The following DPH5 variants were observed in gnomAD, a reference collection of about 807,000 sequenced individuals.
DPH5 encodes diphthamide biosynthesis 5.
In DPH5, 31 loss-of-function variants were observed where a neutral mutation model predicts 31.6. That is an observed-to-expected ratio of 0.98 (90% CI 0.74 to 1.32). The LOEUF (loss-of-function observed/expected upper bound fraction) is 1.32. Among genes scored for constraint, DPH5 ranks in the 40% most tolerant of loss-of-function variants. The pLI is 0.00. For synonymous variants in DPH5, 120 were observed against 115.0 expected (o/e 1.04, Z -0.28); for missense variants, 309 against 335.7 (o/e 0.92, Z 0.62).
In DPH5 at chr1:101,001,573, T is replaced by C; in HGVS notation, c.384A>G (p.Gly128=). ...GCCGLQLYKF[G]ETVSIVFWTD... is the part of the protein sequence containing the mutation. ...TCCAAAAAACAATAGAAACTGTCTC[T>C]CCAAACTTATATAACTAGAAAAAAA... Residue 128 remains glycine (G), a synonymous_variant, in exon 5 of 8, where the codon GGA becomes GGG. Coordinates refer to ENST00000370109, the MANE Select transcript of DPH5 (RefSeq NM_015958.3). 6.3e-7 allele frequency: 1 copy of C among 1,587,056 alleles called. No individual in the cohort carries two copies. Among genetic ancestry groups the C allele is most frequent in the East Asian group, 2.2e-5 (1 of 44,654 alleles).
intron 3 of DPH5, among the ~76,000 whole-genome samples, chr1:101,016,151 G>A (rs763106209): frequency 2.0e-5 from 3 of 152,084 alleles, no homozygotes; most frequent in Non-Finnish European, 2.9e-5. Context: ...TCAGGAGATC[G>A]GGACCATCCT....
In DPH5 at chr1:101,021,659, A is replaced by G. The variant is rs1026815472; in HGVS notation, c.242T>C (p.Val81Ala). ...GACTTACCCAAATGGATCACCAACCACAAGGAATGCAACATCACTGATATC... is the reference window on the plus strand; with the variant it reads ...GACTTACCCAAATGGATCACCAACCGCAAGGAATGCAACATCACTGATATC... ...DADISDVAFLVVGDPFGATTH... is the reference protein window; with the variant it reads ...DADISDVAFLAVGDPFGATTH... The change falls in exon 3 of 8, where the codon GTG (valine) becomes GCG (alanine). Residue 81 changes from valine (V) to alanine (A), a missense_variant. By Grantham distance (64) the Val-to-Ala change is moderately conservative. Coordinates refer to ENST00000370109, the MANE Select transcript of DPH5 (RefSeq NM_015958.3). The G allele has an allele frequency of 1.5e-5, 24 of 1,613,362 alleles. No individual in the cohort carries two copies. Among genetic ancestry groups the G allele is most frequent in the Non-Finnish European group, 1.9e-5 (22 of 1,179,596 alleles).
chr1:101,020,032 G>A (rs1024045821), intron 3 of DPH5, among the ~76,000 whole-genome samples: 1 of 152,192 alleles, frequency 6.6e-6, no homozygotes, highest in African/African-American at 2.4e-5. Context: ...TAGCATAGCG[G>A]TTAAAGAGTA....
intron 6 of DPH5, among the ~76,000 whole-genome samples, chr1:100,994,696 T>C (rs541495547): frequency 3.1e-4 from 47 of 152,162 alleles, no homozygotes; most frequent in African/African-American, 1.1e-3. Flanking sequence ...CCAGCTAATT[T>C]TTCCATTTTT....
At chr1:101,007,041 A>G (rs1269483828) in intron 4 of DPH5, among the ~76,000 whole-genome samples, 1 of 152,226 alleles carries the variant, frequency 6.6e-6, no homozygotes, top group East Asian at 1.9e-4. Context: ...CTACAAGAGA[A>G]CTAATATATT....
intron 4 of DPH5, among the ~76,000 whole-genome samples, chr1:101,005,932 A>C (rs566557803): frequency 2.4e-4 from 36 of 151,590 alleles, no homozygotes; most frequent in African/African-American, 8.0e-4. Flanking sequence ...TGAGGGGGGG[A>C]GCAGTTACCT....
intron 4 of DPH5, among the ~76,000 whole-genome samples, chr1:101,003,383 T>C (rs1282171904): frequency 6.6e-6 from 1 of 152,208 alleles, no homozygotes; most frequent in Non-Finnish European, 1.5e-5. Context: ...GGTATTATGC[T>C]AGTCACAGGT....
Position 101,021,774 on chromosome 1 carries a change from A to G in DPH5, c.136-9T>C, listed in dbSNP as rs140560138. Reference sequence around the variant, plus strand: ...CTTCCATAAAACTCTTCCTACAGATATAAGTCCAATATCAAGATAAAGAGA... The same window carrying G: ...CTTCCATAAAACTCTTCCTACAGATGTAAGTCCAATATCAAGATAAAGAGA... On this transcript the variant is annotated splice_polypyrimidine_tract_variant and intron_variant, in intron 2 of 7. Transcript: ENST00000370109. 2.7e-4 allele frequency: 436 copies of G among 1,609,646 alleles called. 1 individual carries two copies. In the African/African-American group the frequency reaches 5.0e-3, roughly 18 times the overall value.
Position 100,990,465 on chromosome 1 carries a change from T to C in DPH5, c.801A>G (p.Leu267=), listed in dbSNP as rs1271700439. ...GSIHPMEMEM[L]SLFSIPENSS... ...TATTTTCTGGTATGGAAAACAGACTTAGCATCTCCATCTCCATTGGATGTA... is the reference window on the plus strand; with the variant it reads ...TATTTTCTGGTATGGAAAACAGACTCAGCATCTCCATCTCCATTGGATGTA... Residue 267 remains leucine (L), a synonymous_variant, in exon 8 of 8, where the codon CTA becomes CTG. Transcript: ENST00000370109. The C allele has an allele frequency of 6.2e-7, 1 of 1,614,152 alleles. No individual in the cohort carries two copies. The highest frequency in any genetic ancestry group is 1.7e-5 in the Admixed American group (1 of 60,006).
chr1:101,010,114 A>T (rs1026668792), intron 4 of DPH5, among the ~76,000 whole-genome samples: 1 of 152,234 alleles, frequency 6.6e-6, no homozygotes, highest in Non-Finnish European at 1.5e-5. Context: ...ACTAAAATAG[A>T]ATCTCTTTGA....
intron 3 of DPH5, among the ~76,000 whole-genome samples, chr1:101,019,439 A>G (rs1285383028): frequency 6.6e-6 from 1 of 152,124 alleles, no homozygotes; most frequent in African/African-American, 2.4e-5. Context: ...AAAATGACAC[A>G]TTTTGTCATG....
At chr1:101,017,366 T>C (rs1660155034) in intron 3 of DPH5, among the ~76,000 whole-genome samples, 1 of 149,582 alleles carries the variant, frequency 6.7e-6, no homozygotes, top group Non-Finnish European at 1.5e-5. Context: ...TTTATTTGGT[T>C]ACTGTGTGTA....
chr1:100,992,677 C>T lies in DPH5; in HGVS notation c.594G>A (p.Leu198=), dbSNP rs762407616. The change falls in exon 7 of 8, where the codon CTG becomes CTA. Residue 198 remains leucine (L), a synonymous_variant. Coordinates refer to ENST00000370109, the MANE Select transcript of DPH5 (RefSeq NM_015958.3). ...GTATTCTTTGATTTTGAACAATCTC[C>T]AGAAGCTGCTGGGCTGCTTGGTTTA... ...MSVNQAAQQL[L]EIVQNQRIRG... is the part of the protein sequence containing the mutation. 6 of 1,613,780 alleles carry T rather than the reference C, an allele frequency of 3.7e-6. No individual in the cohort carries two copies. The highest frequency in any genetic ancestry group is 3.3e-5 in the Admixed American group (2 of 59,988).
At position 101,021,817 on chromosome 1, in the gene DPH5, AACACACACACACACAC is replaced by A. The variant is rs67726104; in HGVS notation, c.136-68_136-53del. ...TAAAGAGACAGCAGGTGACCATTCT[AACACACACACACACAC>A]ACACACACACACACACACACACACA... On this transcript the variant is annotated intron_variant, in intron 2 of 7. Transcript: ENST00000370109. 2.8e-3 allele frequency: 2,064 copies of A among 739,100 alleles called. 18 individuals are homozygous for A. The highest frequency in any genetic ancestry group is 0.027 in the African/African-American group (1,460 of 53,886). 45.8% of individuals were successfully genotyped at this position (739,100 alleles called of 1,614,324 possible).
At chr1:101,010,357 CTGTG>C in intron 4 of DPH5, among the ~76,000 whole-genome samples, 1 of 152,130 alleles carries the variant, frequency 6.6e-6, no homozygotes, top group Non-Finnish European at 1.5e-5. Context: ...TATCAACTGG[CTGTG>C]TGTGTGAATG....
chr1:101,024,937 G>GA (rs1660721148), intron 2 of DPH5: 1 of 175,276 alleles, frequency 5.7e-6, no homozygotes, highest in South Asian at 1.4e-4. Context: ...CTTGGTTTTT[G>GA]AATATATATA....
rs75033721 is a variant in DPH5, at chr1:101,005,926, G to T, written c.370-4339C>A. Among the ~76,000 whole-genome samples the T allele has an allele frequency of 5.6e-3, 846 of 152,162 alleles. 3 individuals carry two copies. The highest frequency in any genetic ancestry group is 0.02 in the African/African-American group (816 of 41,514). ...GGGACCCGGTAGTGGGGGAGGTGAGGGGGGGAGCAGTTACCTCCATGCTGT... is the reference window on the plus strand; with the variant it reads ...GGGACCCGGTAGTGGGGGAGGTGAGTGGGGGAGCAGTTACCTCCATGCTGT... On this transcript the variant is annotated intron_variant, in intron 4 of 7. Coordinates refer to ENST00000370109, the MANE Select transcript of DPH5 (RefSeq NM_015958.3).
chr1:101,021,586 A>G, intron 3 of DPH5, 55 bp downstream of exon 3: 1 of 1,557,332 alleles, frequency 6.4e-7, no homozygotes, highest in South Asian at 1.2e-5. Flanking sequence ...AATAATTCTT[A>G]CTGATTAAAA....
intron 5 of DPH5, among the ~76,000 whole-genome samples, chr1:100,999,211 G>A (rs986010949): frequency 1.3e-5 from 2 of 152,192 alleles, no homozygotes; most frequent in African/African-American, 4.8e-5. Flanking sequence ...GCACTTTGGG[G>A]GGCCAAGGTA....
Sources: allele counts gnomAD v4.1 joint callset (sites outside exome capture counted in the v4.1 genomes callset), GRCh38; gene constraint gnomAD v4.1.1; transcripts MANE v1.5; gene names NCBI Gene and HGNC (gene_info 2026-07-23, HGNC 2026-07-21).